PCDH11X: variants seen among roughly 807,000 people sequenced by gnomAD.
The protein encoded by PCDH11X is protocadherin-11 X-linked.
In PCDH11X, 18 loss-of-function variants were observed where a neutral mutation model predicts 53.3. The ratio of observed to expected loss-of-function variants is 0.34; its 90% CI spans 0.23 to 0.50. The LOEUF is 0.50. PCDH11X is among the 20% of genes least tolerant of loss of function. PCDH11X has a pLI of 0.98. For synonymous variants in PCDH11X, 279 were observed against 393.3 expected (o/e 0.71, Z 3.44); for missense variants, 570 against 1,032.4 (o/e 0.55, Z 6.14).
chrX:92,231,853 A>G (rs943152017), intron 7 of PCDH11X, among the ~76,000 whole-genome samples: 4 of 111,850 alleles, frequency 3.6e-5, no homozygotes, highest in Non-Finnish European at 7.5e-5. Flanking sequence ...GCCATGAAAT[A>G]TCTCAGTCCG....
chrX:91,857,482 C>T (rs1294629519), intron 5 of PCDH11X, among the ~76,000 whole-genome samples: 1 of 111,421 alleles, frequency 9.0e-6, no homozygotes, highest in Non-Finnish European at 1.9e-5. Context: ...CTCAAAAGCC[C>T]AAGTCCAAAG....
intron 6 of PCDH11X, among the ~76,000 whole-genome samples, chrX:92,134,171 A>G (rs2148203596): frequency 8.9e-6 from 1 of 111,806 alleles, no homozygotes; most frequent in South Asian, 3.8e-4. Flanking sequence ...GCAATCAGAT[A>G]TGCATTTGTC....
chrX:92,184,107 C>T (rs1180434315), intron 6 of PCDH11X, among the ~76,000 whole-genome samples: 1 of 111,608 alleles, frequency 9.0e-6, no homozygotes, highest in Non-Finnish European at 1.9e-5. Context: ...AGTAGGCGCT[C>T]AGTAAATATT....
At position 92,278,094 on chromosome X, in the gene PCDH11X, A is replaced by T. The variant is rs188901416; in HGVS notation, c.3144+14951A>T. ...AAAACGTGTCTCCTTTGTCTCTACCAGAAAATGAAAGGAATTGAAATTAAG... is the reference window on the plus strand; with the variant it reads ...AAAACGTGTCTCCTTTGTCTCTACCTGAAAATGAAAGGAATTGAAATTAAG... On this transcript the variant is annotated intron_variant, in intron 8 of 10. Transcript: ENST00000682573. Among the ~76,000 whole-genome samples, 158 of 111,851 alleles carry T rather than the reference A, an allele frequency of 1.4e-3. 1 individual carries two copies. Among genetic ancestry groups the T allele is most frequent in the African/African-American group, 4.8e-3 (148 of 30,793 alleles).
intron 6 of PCDH11X, among the ~76,000 whole-genome samples, chrX:92,079,312 C>T (rs1272487546): frequency 1.8e-5 from 2 of 112,191 alleles, no homozygotes; most frequent in Non-Finnish European, 3.8e-5. Flanking sequence ...CAGTCATTCA[C>T]GGACATGGAC....
intron 8 of PCDH11X, among the ~76,000 whole-genome samples, chrX:92,327,667 T>G (rs2069370015): frequency 9.1e-6 from 1 of 110,072 alleles, no homozygotes; most frequent in Non-Finnish European, 1.9e-5. Flanking sequence ...CCATACCATA[T>G]GCACCTGGGA....
chrX:92,091,271 G>A (rs1043673453), intron 6 of PCDH11X, among the ~76,000 whole-genome samples: 1 of 110,270 alleles, frequency 9.1e-6, no homozygotes, highest in African/African-American at 3.3e-5. Context: ...ATAACAGAAG[G>A]CTGTGAAGTA....
chrX:92,059,888 T>C (rs1451923093), intron 6 of PCDH11X, among the ~76,000 whole-genome samples: 1 of 110,424 alleles, frequency 9.1e-6, no homozygotes, highest in Non-Finnish European at 1.9e-5. Flanking sequence ...GCCCATTTAG[T>C]CATCATTTGA....
At chrX:92,075,884 A>G (rs1428467668) in intron 6 of PCDH11X, among the ~76,000 whole-genome samples, 1 of 110,498 alleles carries the variant, frequency 9.0e-6, no homozygotes, top group African/African-American at 3.3e-5. Flanking sequence ...GTAAGCACAA[A>G]TCCTGCCTCA....
chrX:92,241,450 G>A (rs937550539), intron 7 of PCDH11X, among the ~76,000 whole-genome samples: 8 of 112,077 alleles, frequency 7.1e-5, no homozygotes, highest in African/African-American at 2.6e-4. Context: ...TGAAAGGTAT[G>A]CTGCAATGAA....
In PCDH11X at chrX:92,393,320, A is replaced by C. The variant is rs2071173569; in HGVS notation, c.3343+5387A>C. On this transcript the variant is annotated intron_variant, in intron 9 of 10. Transcript: ENST00000682573. ...GTAGCCTATATAATAGTGTCAGTCC[A>C]TGGTAGAGAGGGGGGAGTAAAATAA... Among the ~76,000 whole-genome samples the C allele has an allele frequency of 3.6e-5, 4 of 110,731 alleles. No individual in the cohort carries two copies. The South Asian group carries it at 1.5e-3, about 41-fold the overall frequency.
chrX:92,205,047 G>C (rs1398222289), intron 7 of PCDH11X, among the ~76,000 whole-genome samples: 1 of 111,519 alleles, frequency 9.0e-6, no homozygotes, highest in Non-Finnish European at 1.9e-5. Flanking sequence ...GTGAGAGTTG[G>C]GTAGGGACAC....
intron 6 of PCDH11X, among the ~76,000 whole-genome samples, chrX:91,954,468 T>C (rs1415760218): frequency 9.0e-6 from 1 of 111,641 alleles, no homozygotes; most frequent in Non-Finnish European, 1.9e-5. Context: ...CCTTTGGGTA[T>C]ATATCCAGTA....
intron 5 of PCDH11X, among the ~76,000 whole-genome samples, chrX:91,840,231 C>T (rs1433654940): frequency 8.9e-6 from 1 of 111,743 alleles, no homozygotes; most frequent in Non-Finnish European, 1.9e-5. Flanking sequence ...CTTCAAATTT[C>T]CATCTTCCCT....
intron 6 of PCDH11X, among the ~76,000 whole-genome samples, chrX:91,925,444 G>T (rs1351960896): frequency 5.4e-5 from 6 of 111,013 alleles, no homozygotes; most frequent in Non-Finnish European, 9.4e-5. Context: ...GTATTGAAAA[G>T]CTGACTTGGG....
chrX:92,322,320 C>T (rs2069233642), intron 8 of PCDH11X, among the ~76,000 whole-genome samples: 1 of 110,927 alleles, frequency 9.0e-6, no homozygotes, highest in South Asian at 3.8e-4. Flanking sequence ...ACAACCAAAA[C>T]AAAATTAACT....
intron 9 of PCDH11X, among the ~76,000 whole-genome samples, chrX:92,452,354 ATCC>A (rs1357026077): frequency 2.1e-5 from 2 of 96,623 alleles, no homozygotes; most frequent in Non-Finnish European, 4.1e-5. Context: ...AGATGAGCCC[ATCC>A]TGATAGCATA....
intron 6 of PCDH11X, among the ~76,000 whole-genome samples, chrX:92,111,014 CT>C (rs1218443783): frequency 9.3e-6 from 1 of 107,697 alleles, no homozygotes; most frequent in African/African-American, 3.4e-5. Context: ...TATTCTAGGC[CT>C]TTGGTAGCTC....
At chrX:92,282,102 AG>A (rs756845800) in intron 8 of PCDH11X, among the ~76,000 whole-genome samples, 2 of 111,144 alleles carry the variant, frequency 1.8e-5, no homozygotes, top group South Asian at 3.8e-4. Context: ...GAAAAGCAAA[AG>A]AGTGAAAATA....
Sources: allele counts gnomAD v4.1 joint callset (sites outside exome capture counted in the v4.1 genomes callset), GRCh38; gene constraint gnomAD v4.1.1; transcripts MANE v1.5; gene names NCBI Gene and HGNC (gene_info 2026-07-23, HGNC 2026-07-21).